Variants in TUSC3 observed in about 807,000 individuals in gnomAD.
The protein encoded by TUSC3 is dolichyl-diphosphooligosaccharide--protein glycosyltransferase subunit TUSC3.
In TUSC3, 45 loss-of-function variants were observed where a neutral mutation model predicts 44.8. The ratio of observed to expected loss-of-function variants is 1.00; its 90% confidence interval spans 0.79 to 1.29. The LOEUF is 1.29. TUSC3 is among the 50% of genes most tolerant of loss of function. The probability of loss-of-function intolerance (pLI) is 0.00; values close to 1 mark genes in which losing one functional copy is unlikely to be tolerated. For synonymous variants in TUSC3, 212 were observed against 152.9 expected (o/e 1.39, Z -2.85); for missense variants, 519 against 437.9 (o/e 1.19, Z -1.65).
intron 1 of TUSC3, among the ~76,000 whole-genome samples, chr8:15,464,735 C>A (rs1046600372): frequency 1.3e-5 from 2 of 152,144 alleles, no homozygotes; most frequent in African/African-American, 4.8e-5. Context: ...ATTGATGTAT[C>A]ATTTATTTAC....
At chr8:15,604,818 T>C (rs1804449079) in intron 1 of TUSC3, among the ~76,000 whole-genome samples, 1 of 151,824 alleles carries the variant, frequency 6.6e-6, no homozygotes, top group African/African-American at 2.4e-5. Context: ...ATATTTGGCA[T>C]TTTTATTACC....
the TUSC3 span, among the ~76,000 whole-genome samples, chr8:15,844,347 A>G: frequency 1.3e-5 from 2 of 152,146 alleles, no homozygotes; most frequent in Admixed American, 1.3e-4. Flanking sequence ...CTGTGCTTTC[A>G]AAGTATCAAA....
At chr8:15,501,668 A>G (rs1253151422) in intron 2 of TUSC3, among the ~76,000 whole-genome samples, 2 of 152,182 alleles carry the variant, frequency 1.3e-5, no homozygotes, top group Non-Finnish European at 2.9e-5. Flanking sequence ...GTCAGAGGCT[A>G]CATATTACTC....
chr8:15,721,949 G>A (rs907395331), intron 6 of TUSC3, among the ~76,000 whole-genome samples: 12 of 151,370 alleles, frequency 7.9e-5, no homozygotes, highest in Non-Finnish European at 1.6e-4. Context: ...TAATAGTATA[G>A]TATTATATTT....
intron 1 of TUSC3, among the ~76,000 whole-genome samples, chr8:15,470,510 G>C (rs1336382735): frequency 6.6e-6 from 1 of 152,128 alleles, no homozygotes; most frequent in Non-Finnish European, 1.5e-5. Context: ...ATTCTGATGT[G>C]TGATGTTGAT....
At chr8:15,798,592 G>A in the TUSC3 span, among the ~76,000 whole-genome samples, 1 of 151,972 alleles carries the variant, frequency 6.6e-6, no homozygotes, top group African/African-American at 2.4e-5. Flanking sequence ...CGGCAGCTTT[G>A]GTTCAACCAA....
At chr8:15,752,721 C>T (rs778150554) in intron 9 of TUSC3, among the ~76,000 whole-genome samples, 3 of 151,910 alleles carry the variant, frequency 2.0e-5, no homozygotes, top group African/African-American at 4.8e-5. Context: ...AAACGTGATT[C>T]GTATATTCCT....
intron 6 of TUSC3, among the ~76,000 whole-genome samples, chr8:15,715,409 T>G (rs1810018536): frequency 6.6e-6 from 1 of 152,128 alleles, no homozygotes; most frequent in South Asian, 2.1e-4. Flanking sequence ...TCCTGTGATC[T>G]GTCAACCTGA....
chr8:15,592,243 C>A lies in TUSC3; in HGVS notation c.139-30837C>A, dbSNP rs368253068. Reference sequence around the variant, plus strand: ...ATTCAGTTTGGATCTGTAAATTTTCCTATTCATTTAACAGTGTAGCTCTCA... The same window carrying A: ...ATTCAGTTTGGATCTGTAAATTTTCATATTCATTTAACAGTGTAGCTCTCA... On this transcript the variant is annotated intron_variant, in intron 1 of 10. Transcript: ENST00000503731. Among the ~76,000 whole-genome samples, 19 of 152,278 alleles carry A rather than the reference C, an allele frequency of 1.2e-4. No homozygotes were observed. The South Asian group carries it at 3.9e-3, about 32-fold the overall frequency.
chr8:15,468,653 T>A (rs1800445935), intron 1 of TUSC3, among the ~76,000 whole-genome samples: 2 of 152,160 alleles, frequency 1.3e-5, no homozygotes, highest in African/African-American at 4.8e-5. Context: ...CTCATTCAAT[T>A]CTTGCCAGAC....
At chr8:15,834,105 C>T in the TUSC3 span, among the ~76,000 whole-genome samples, 1 of 152,032 alleles carries the variant, frequency 6.6e-6, no homozygotes, top group African/African-American at 2.4e-5. Context: ...CCCGACTCTC[C>T]TCATTACTTT....
chr8:15,737,001 G>A (rs1810964810), intron 7 of TUSC3, among the ~76,000 whole-genome samples: 4 of 151,920 alleles, frequency 2.6e-5, no homozygotes, highest in African/African-American at 9.7e-5. Flanking sequence ...TAAAAGTAAA[G>A]GTTATACTAG....
At chr8:15,613,063 T>C (rs1804829385) in intron 1 of TUSC3, among the ~76,000 whole-genome samples, 1 of 53,380 alleles carries the variant, frequency 1.9e-5, no homozygotes, top group Admixed American at 1.5e-4. Flanking sequence ...ATTATATATA[T>C]GATATATATA....
chr8:15,428,797 G>A (rs1272532044), intron 1 of TUSC3, among the ~76,000 whole-genome samples: 5 of 151,750 alleles, frequency 3.3e-5, no homozygotes, highest in African/African-American at 1.2e-4. Context: ...CATATCCTTT[G>A]CCCACTTTTT....
intron 1 of TUSC3, among the ~76,000 whole-genome samples, chr8:15,482,580 G>T (rs1800676834): frequency 6.6e-6 from 1 of 152,168 alleles, no homozygotes; most frequent in Non-Finnish European, 1.5e-5. Flanking sequence ...CTCTGATGAA[G>T]ATGTATAAGA....
chr8:15,647,579 T>G (rs935435292), intron 2 of TUSC3, among the ~76,000 whole-genome samples: 2 of 152,194 alleles, frequency 1.3e-5, no homozygotes, highest in African/African-American at 4.8e-5. Context: ...TTACGTCTTC[T>G]CTCCGTGCTA....
At chr8:15,789,072 C>A in the TUSC3 span, among the ~76,000 whole-genome samples, 1 of 152,212 alleles carries the variant, frequency 6.6e-6, no homozygotes, top group Non-Finnish European at 1.5e-5. Context: ...GAAACAGAAT[C>A]CGTGTCGTCA....
At chr8:15,650,892 CAATT>C (rs1423828762) in intron 3 of TUSC3, 78 bp downstream of exon 3, 1 of 1,437,950 alleles carries the variant, frequency 7.0e-7, no homozygotes, top group African/African-American at 1.4e-5. Flanking sequence ...CATAAAAATA[CAATT>C]CATTCATCGT....
intron 8 of TUSC3, among the ~76,000 whole-genome samples, chr8:15,744,642 A>C (rs1024075793): frequency 5.3e-5 from 8 of 152,272 alleles, no homozygotes; most frequent in Admixed American, 5.2e-4. Flanking sequence ...GATGTAATAC[A>C]CAGTTTAGAC....
Sources: allele counts gnomAD v4.1 joint callset (sites outside exome capture counted in the v4.1 genomes callset), GRCh38; gene constraint gnomAD v4.1.1; transcripts MANE v1.5; gene names NCBI Gene and HGNC (gene_info 2026-07-23, HGNC 2026-07-21).